ASB1: variants seen among roughly 807,000 people sequenced by gnomAD.
ASB1 encodes the protein ankyrin repeat and SOCS box containing 1, also known as ankyrin repeat and SOCS box protein 1.
In ASB1, 18 loss-of-function variants were observed where a neutral mutation model predicts 27.7. The ratio of observed to expected loss-of-function variants is 0.65; its 90% CI spans 0.45 to 0.96. ASB1 has a LOEUF of 0.96. ASB1 is among the 50% of genes least tolerant of loss of function. ASB1 has a pLI of 0.00. For missense variants in ASB1, 397 were observed against 451.7 expected (o/e 0.88, Z 1.10); for synonymous variants, 189 against 187.6 (o/e 1.01, Z -0.06).
At chr2:238,442,816 T>TTGAG (rs1702104934) in intron 3 of ASB1, among the ~76,000 whole-genome samples, 1 of 152,218 alleles carries the variant, frequency 6.6e-6, no homozygotes, top group Non-Finnish European at 1.5e-5. Flanking sequence ...CCTCCCTTGT[T>TTGAG]TGAGATACTG....
rs900437919 is a variant in ASB1 at position 238,448,544 on chromosome 2, G to C, written c.*2033G>C. 1 of 152,154 alleles carries C rather than the reference G, an allele frequency of 6.6e-6. No homozygotes were observed. The highest frequency in any genetic ancestry group is 1.5e-5 in the Non-Finnish European group (1 of 68,052). 9.4% of individuals were successfully genotyped at this position (152,154 alleles called of 1,614,324 possible). A position where few individuals can be genotyped will look rare whatever the true frequency, so the allele number is the denominator to read the frequency against. On this transcript the variant is annotated 3_prime_UTR_variant, in exon 5 of 5. Coordinates refer to ENST00000264607, the MANE Select transcript of ASB1 (RefSeq NM_001040445.3). ...GGCTCAGAGGAGGGTGGCTTTTTTC[G>C]AGGTGAGCCATGTTGTAGACACATG...
chr2:238,428,285 C>T (rs1271274923), intron 1 of ASB1, among the ~76,000 whole-genome samples: 1 of 152,198 alleles, frequency 6.6e-6, no homozygotes, highest in Non-Finnish European at 1.5e-5. Context: ...GCTTTGTCGG[C>T]TGCACAGGTC....
rs545834650 is a variant in ASB1 at position 238,433,769 on chromosome 2, G to A, written c.191+74G>A. The A allele has an allele frequency of 1.2e-4, 187 of 1,545,648 alleles. No homozygotes were observed. The African/African-American group carries it at 1.3e-3, about 10-fold the overall frequency. On this transcript the variant is annotated intron_variant, in intron 2 of 4. Transcript: ENST00000264607. ...CTGTGTGAAGCTGAGCCCCACAGTC[G>A]CTGTGCAGATGAAGACCTTGATGTT...
chr2:238,442,278 A>C (rs2106408825), intron 3 of ASB1, among the ~76,000 whole-genome samples: 2 of 151,928 alleles, frequency 1.3e-5, no homozygotes, highest in Non-Finnish European at 2.9e-5. Context: ...CACCCGGCTA[A>C]TTTTTGTGTT....
At chr2:238,439,502 G>A (rs537699) in intron 3 of ASB1, among the ~76,000 whole-genome samples, 38,340 of 152,118 alleles carry the variant, frequency 0.25, 5,912 homozygotes, top group Middle Eastern at 0.38. Context: ...CATGGAAGGT[G>A]ACGCAGTTCT....
chr2:238,439,435 A>T (rs2106407148), intron 3 of ASB1, among the ~76,000 whole-genome samples: 1 of 152,214 alleles, frequency 6.6e-6, no homozygotes, highest in Middle Eastern at 3.4e-3. Context: ...GGTGCTGAGG[A>T]GACGGTTAGA....
At chr2:238,433,252 G>A in intron 1 of ASB1, 1 of 270,568 alleles carries the variant, frequency 3.7e-6, no homozygotes, top group Non-Finnish European at 7.2e-6. Flanking sequence ...TCAGGAGTGT[G>A]CTAATTTAAT....
chr2:238,438,949 T>C (rs970192124), intron 3 of ASB1, among the ~76,000 whole-genome samples: 11 of 152,254 alleles, frequency 7.2e-5, no homozygotes, highest in African/African-American at 2.4e-4. Flanking sequence ...TTGGAAAATA[T>C]TCAGGATTAA....
rs1451174439 is a variant in ASB1 at position 238,441,365 on chromosome 2, C to T, written c.495-2977C>T. On this transcript the variant is annotated intron_variant, in intron 3 of 4. Coordinates refer to ENST00000264607, the MANE Select transcript of ASB1 (RefSeq NM_001040445.3). Reference sequence around the variant, plus strand: ...GGTCAGGCTGGTCTCGAACTCCTGGCCTCAAGTGATCTGCCTGCCTTGGCC... The same window carrying T: ...GGTCAGGCTGGTCTCGAACTCCTGGTCTCAAGTGATCTGCCTGCCTTGGCC... Among the ~76,000 whole-genome samples the T allele has an allele frequency of 2.6e-5, 4 of 152,182 alleles. No individual in the cohort carries two copies. The East Asian group carries it at 7.7e-4, about 29-fold the overall frequency.
At chr2:238,442,985 C>T (rs1051407516) in intron 3 of ASB1, among the ~76,000 whole-genome samples, 1 of 152,146 alleles carries the variant, frequency 6.6e-6, no homozygotes, top group Non-Finnish European at 1.5e-5. Flanking sequence ...CTCCCACCAC[C>T]CCCTTCTTGC....
intron 3 of ASB1, among the ~76,000 whole-genome samples, chr2:238,439,848 A>G (rs1296189902): frequency 6.6e-6 from 1 of 152,142 alleles, no homozygotes; most frequent in Non-Finnish European, 1.5e-5. Flanking sequence ...CCGTAAAGCT[A>G]TTCCTTTTCT....
chr2:238,442,240 C>G (rs964593041), intron 3 of ASB1, among the ~76,000 whole-genome samples: 2 of 151,892 alleles, frequency 1.3e-5, no homozygotes, highest in African/African-American at 2.4e-5. Context: ...CTCAGCCTCC[C>G]GAGTAGCTGG....
intron 3 of ASB1, among the ~76,000 whole-genome samples, chr2:238,438,475 C>T (rs570829003): frequency 2.6e-4 from 40 of 152,250 alleles, no homozygotes; most frequent in Non-Finnish European, 2.6e-4. Context: ...GCTGGGATTA[C>T]GGGCGTGAGC....
At chr2:238,434,995 C>T (rs961457749) in intron 2 of ASB1, among the ~76,000 whole-genome samples, 1 of 152,170 alleles carries the variant, frequency 6.6e-6, no homozygotes, top group Non-Finnish European at 1.5e-5. Flanking sequence ...TGTTCCTGGG[C>T]CCTGGTTTGG....
chr2:238,428,321 G>C (rs1701801470), intron 1 of ASB1, among the ~76,000 whole-genome samples: 1 of 152,112 alleles, frequency 6.6e-6, no homozygotes, highest in African/African-American at 2.4e-5. Flanking sequence ...ACGGAGTTTC[G>C]CTCTTGTTGC....
intron 3 of ASB1, among the ~76,000 whole-genome samples, chr2:238,436,484 AATTATT>A (rs200285549): frequency 1.3e-5 from 2 of 151,902 alleles, no homozygotes; most frequent in Non-Finnish European, 2.9e-5. Context: ...GACGTAAAAA[AATTATT>A]ATTATTATTA....
rs530960523 is a variant in ASB1, at chr2:238,450,505, C to T, written c.*3994C>T. On this transcript the variant is annotated 3_prime_UTR_variant, in exon 5 of 5. Transcript: ENST00000264607. ...TCTTAAGTTCGCCTGTCTCTGAAATCCCAAAGTCACGGAACCGCAGTCTAG... is the reference window on the plus strand; with the variant it reads ...TCTTAAGTTCGCCTGTCTCTGAAATTCCAAAGTCACGGAACCGCAGTCTAG... 1 of 152,378 alleles carries T rather than the reference C, an allele frequency of 6.6e-6. No individual in the cohort carries two copies. Among genetic ancestry groups the T allele is most frequent in the African/African-American group, 2.4e-5 (1 of 41,592 alleles). 9.4% of individuals were successfully genotyped at this position (152,378 alleles called of 1,614,324 possible). A position where few individuals can be genotyped will look rare whatever the true frequency, so the allele number is the denominator to read the frequency against.
chr2:238,449,696 A>G lies in ASB1; in HGVS notation c.*3185A>G, dbSNP rs1442625564. 2 of 152,228 alleles carry G rather than the reference A, an allele frequency of 1.3e-5. No individual in the cohort carries two copies. The highest frequency in any genetic ancestry group is 4.8e-5 in the African/African-American group (2 of 41,458). The allele number at this position is 152,228 out of a possible 1,614,324, so 9.4% of individuals were successfully genotyped here. A position where few individuals can be genotyped will look rare whatever the true frequency, so the allele number is the denominator to read the frequency against. On this transcript the variant is annotated 3_prime_UTR_variant, in exon 5 of 5. Coordinates refer to ENST00000264607, the MANE Select transcript of ASB1 (RefSeq NM_001040445.3). ...TTGTTCCAGAAAAGTGTTTAAGGCA[A>G]CAATGCTTGTTTTTTGGTGTTTTCT...
chr2:238,428,638 T>C (rs1380558138), intron 1 of ASB1, among the ~76,000 whole-genome samples: 1 of 152,210 alleles, frequency 6.6e-6, no homozygotes, highest in Non-Finnish European at 1.5e-5. Context: ...TGTTTTGTTA[T>C]TCAGTGTGTT....
Sources: allele counts gnomAD v4.1 joint callset (sites outside exome capture counted in the v4.1 genomes callset), GRCh38; gene constraint gnomAD v4.1.1; transcripts MANE v1.5; gene names NCBI Gene and HGNC (gene_info 2026-07-23, HGNC 2026-07-21).